Variants in ARL15 observed in about 807,000 individuals in gnomAD.
ARL15 encodes the protein ARF like GTPase 15, also known as ADP-ribosylation factor-like protein 15.
ARL15 carries 19 observed loss-of-function variants against 25.2 expected under a neutral mutation model. That is an observed-to-expected ratio of 0.75 (90% CI 0.53 to 1.10). The LOEUF (loss-of-function observed/expected upper bound fraction) is 1.10. ARL15 is among the 50% of genes least tolerant of loss of function. ARL15 has a pLI of 0.00. For missense variants in ARL15, 220 were observed against 246.0 expected, an observed-to-expected ratio of 0.89 and a Z score of 0.71; for synonymous variants, 94 against 86.8, an observed-to-expected ratio of 1.08 and a Z score of -0.46.
intron 4 of ARL15, among the ~76,000 whole-genome samples, chr5:53,987,602 A>C (rs1038995735): frequency 3.9e-5 from 6 of 152,142 alleles, no homozygotes; most frequent in African/African-American, 1.2e-4. Flanking sequence ...GAAGAAGGGA[A>C]GCTCAAGTCA....
intron 4 of ARL15, among the ~76,000 whole-genome samples, chr5:53,899,318 A>C (rs370614708): frequency 4.0e-4 from 55 of 138,358 alleles, no homozygotes; most frequent in African/African-American, 1.4e-3. Flanking sequence ...ACTGCAGTCC[A>C]GCCTGGGTAA....
Position 54,298,893 on chromosome 5 carries a change from G to GTT in ARL15, c.48+11537_48+11538dup, listed in dbSNP as rs34557772. Among the ~76,000 whole-genome samples the GTT allele has an allele frequency of 2.1e-3, 308 of 149,730 alleles. 1 individual carries two copies. Among genetic ancestry groups the GTT allele is most frequent in the African/African-American group, 6.5e-3 (265 of 40,634 alleles). ...CTTTCTGGTTGCTGTTGGTTTTTTG[G>GTT]TTTTTTTTTCCTTTGCATTTTTTGT... is the stretch of plus-strand genomic sequence containing the variant. On this transcript the variant is annotated intron_variant, in intron 1 of 4. Coordinates refer to ENST00000504924, the MANE Select transcript of ARL15 (RefSeq NM_019087.3).
intron 1 of ARL15, among the ~76,000 whole-genome samples, chr5:54,289,919 T>A (rs187991959): frequency 6.6e-6 from 1 of 152,186 alleles, no homozygotes; most frequent in Non-Finnish European, 1.5e-5. Flanking sequence ...AGCATTTGCA[T>A]AATGGGGCCC....
chr5:53,921,578 G>C (rs1422924921), intron 4 of ARL15, among the ~76,000 whole-genome samples: 1 of 152,168 alleles, frequency 6.6e-6, no homozygotes, highest in Non-Finnish European at 1.5e-5. Context: ...TTCAAGACCA[G>C]CCTGGCCAAC....
intron 4 of ARL15, among the ~76,000 whole-genome samples, chr5:54,060,439 C>T (rs1751029037): frequency 6.6e-6 from 1 of 152,086 alleles, no homozygotes; most frequent in African/African-American, 2.4e-5. Flanking sequence ...TGTATCAAAA[C>T]AAACAAACAA....
At chr5:54,278,983 C>T (rs1019730400) in intron 1 of ARL15, among the ~76,000 whole-genome samples, 8 of 152,114 alleles carry the variant, frequency 5.3e-5, no homozygotes, top group Non-Finnish European at 1.0e-4. Flanking sequence ...GATATGGATT[C>T]CTAATATGTA....
intron 3 of ARL15, among the ~76,000 whole-genome samples, chr5:54,137,817 A>G (rs1753650679): frequency 1.3e-5 from 2 of 152,084 alleles, no homozygotes; most frequent in South Asian, 4.1e-4. Context: ...TGTATATTAT[A>G]GTTGGGCATG....
intron 4 of ARL15, among the ~76,000 whole-genome samples, chr5:53,995,034 G>A (rs1470777077): frequency 6.6e-6 from 1 of 152,070 alleles, no homozygotes; most frequent in Non-Finnish European, 1.5e-5. Context: ...TGGGAGGCTG[G>A]GCGCGGTGGC....
intron 4 of ARL15, among the ~76,000 whole-genome samples, chr5:53,893,034 C>T (rs1744770534): frequency 6.6e-6 from 1 of 152,138 alleles, no homozygotes. Flanking sequence ...GTGGGACTTT[C>T]CTTGTCTATG....
chr5:54,199,522 A>G (rs1336332490), intron 1 of ARL15, among the ~76,000 whole-genome samples: 1 of 152,082 alleles, frequency 6.6e-6, no homozygotes, highest in Non-Finnish European at 1.5e-5. Context: ...ATATTTATGC[A>G]GCCAAAAAAC....
intron 4 of ARL15, among the ~76,000 whole-genome samples, chr5:54,028,828 A>T (rs1440344285): frequency 6.6e-6 from 1 of 152,144 alleles, no homozygotes; most frequent in Admixed American, 6.6e-5. Context: ...CACCATCAAC[A>T]TAGCACGACC....
intron 2 of ARL15, 50 bp from the exon 3 acceptor site, chr5:54,154,689 TA>T: frequency 8.6e-7 from 1 of 1,156,958 alleles, no homozygotes; most frequent in African/African-American, 1.6e-5. Context: ...ACTTTTAAAT[TA>T]AAACACTTAG....
At chr5:54,103,762 G>A (rs956188806) in intron 4 of ARL15, among the ~76,000 whole-genome samples, 1 of 152,164 alleles carries the variant, frequency 6.6e-6, no homozygotes, top group African/African-American at 2.4e-5. Flanking sequence ...TTTCTAAGTA[G>A]GAGAGTATTC....
At position 54,028,557 on chromosome 5, in the gene ARL15, T is replaced by C. The variant is rs539901624; in HGVS notation, c.462+84645A>G. Among the ~76,000 whole-genome samples, 4 of 151,926 alleles carry C rather than the reference T, an allele frequency of 2.6e-5. No individual in the cohort carries two copies. In the South Asian group the frequency reaches 8.3e-4, roughly 32 times the overall value. On this transcript the variant is annotated intron_variant, in intron 4 of 4. Transcript: ENST00000504924. ...ACTGAATGCAATAACATTTTCTAAG[T>C]TTCTAGCAAAGTGTTAGTTTCCTTA...
intron 1 of ARL15, among the ~76,000 whole-genome samples, chr5:54,263,648 T>C (rs1200976096): frequency 6.6e-6 from 1 of 152,116 alleles, no homozygotes; most frequent in African/African-American, 2.4e-5. Context: ...TCCATTTGGA[T>C]GACTTCCAAA....
At chr5:54,042,108 C>A (rs1306992563) in intron 4 of ARL15, among the ~76,000 whole-genome samples, 1 of 151,864 alleles carries the variant, frequency 6.6e-6, no homozygotes, top group East Asian at 1.9e-4. Context: ...GTACCTGGGA[C>A]TACAGGCAAG....
chr5:54,209,714 A>C (rs1440092713), intron 1 of ARL15, among the ~76,000 whole-genome samples: 3 of 152,084 alleles, frequency 2.0e-5, no homozygotes, highest in African/African-American at 4.8e-5. Flanking sequence ...CATTCACCTC[A>C]GGTCATTTCT....
intron 3 of ARL15, among the ~76,000 whole-genome samples, chr5:54,141,759 T>C (rs1437980344): frequency 6.6e-6 from 1 of 152,182 alleles, no homozygotes; most frequent in Non-Finnish European, 1.5e-5. Flanking sequence ...TGTCACTAAA[T>C]ATGAGTTTGC....
intron 4 of ARL15, among the ~76,000 whole-genome samples, chr5:54,089,407 C>T (rs543033235): frequency 2.6e-5 from 4 of 152,080 alleles, no homozygotes; most frequent in Admixed American, 1.3e-4. Flanking sequence ...TTAATAGTTA[C>T]TATTAATAGG....
Sources: gnomAD v4.1 joint callset for allele counts (sites outside exome capture counted in the v4.1 genomes callset) on GRCh38, gnomAD v4.1.1 for gene constraint, MANE v1.5 for transcripts, NCBI Gene and HGNC (gene_info 2026-07-23, HGNC 2026-07-21) for gene names.